The following CAMK2B variants were observed in gnomAD, a reference collection of about 807,000 sequenced individuals.
CAMK2B encodes the protein calcium/calmodulin dependent protein kinase II beta, also known as calcium/calmodulin-dependent protein kinase type II subunit beta.
In CAMK2B, 27 loss-of-function variants were observed where a neutral mutation model predicts 93.7. That is an observed-to-expected ratio of 0.29 (90% CI 0.21 to 0.40). CAMK2B has a LOEUF of 0.40. CAMK2B is among the 10% of genes least tolerant of loss of function. The pLI, the probability that CAMK2B is intolerant of heterozygous loss-of-function variation, is 1.00. For missense variants in CAMK2B, 568 were observed against 895.8 expected (o/e 0.63, Z 4.67); for synonymous variants, 374 against 358.8 (o/e 1.04, Z -0.48).
At chr7:44,288,306 G>A (rs1785696851) in intron 1 of CAMK2B, among the ~76,000 whole-genome samples, 1 of 152,258 alleles carries the variant, frequency 6.6e-6, no homozygotes, top group Non-Finnish European at 1.5e-5. Flanking sequence ...ATGGTCCTTG[G>A]GCTCAGCAAA....
At chr7:44,233,474 A>C (rs1462918198) in intron 15 of CAMK2B, among the ~76,000 whole-genome samples, 1 of 152,110 alleles carries the variant, frequency 6.6e-6, no homozygotes, top group Admixed American at 6.5e-5. Flanking sequence ...TGGCAAACCC[A>C]GTATTCCCGT....
intron 3 of CAMK2B, among the ~76,000 whole-genome samples, chr7:44,260,129 C>G (rs1039031152): frequency 6.6e-6 from 1 of 152,296 alleles, no homozygotes; most frequent in Middle Eastern, 3.4e-3. Flanking sequence ...GGGCCACAGA[C>G]GCTGAATGGG....
intron 4 of CAMK2B, among the ~76,000 whole-genome samples, chr7:44,255,107 C>G (rs1462554144): frequency 1.3e-5 from 2 of 152,032 alleles, no homozygotes; most frequent in Non-Finnish European, 2.9e-5. Context: ...GTGGCCCTCG[C>G]ACAGGATCAG....
rs745930853 is a variant in CAMK2B at position 44,263,028 on chromosome 7, C to T, written c.197G>A (p.Arg66His). ...ACCGATGTTGGAATGCTTCAGAAGGCGGCAGATCCGAGCCTCTCTCTCCAG... is the reference window on the plus strand; with the variant it reads ...ACCGATGTTGGAATGCTTCAGAAGGTGGCAGATCCGAGCCTCTCTCTCCAG... Reference protein sequence around the residue: ...QKLEREARICRLLKHSNIVRL... With the variant: ...QKLEREARICHLLKHSNIVRL... Residue 66 changes from arginine (R) to histidine (H), a missense_variant, in exon 3 of 24, where the codon CGC (arginine) becomes CAC (histidine). Transcript: ENST00000395749. 3 of 1,613,382 alleles carry T rather than the reference C, an allele frequency of 1.9e-6. No individual in the cohort carries two copies. Among genetic ancestry groups the T allele is most frequent in the Non-Finnish European group, 1.7e-6 (2 of 1,179,650 alleles).
At chr7:44,309,815 G>C (rs1793004050) in intron 1 of CAMK2B, among the ~76,000 whole-genome samples, 1 of 151,250 alleles carries the variant, frequency 6.6e-6, no homozygotes, top group Admixed American at 6.6e-5. Flanking sequence ...CGCCAGCACC[G>C]TAGGGGCCGC....
intron 1 of CAMK2B, among the ~76,000 whole-genome samples, chr7:44,314,268 C>G (rs184395218): frequency 6.6e-6 from 1 of 152,220 alleles, no homozygotes; most frequent in Non-Finnish European, 1.5e-5. Flanking sequence ...CAAACTTCTA[C>G]GCATTAGCAG....
chr7:44,312,748 G>A lies in CAMK2B; in HGVS notation c.65+12609C>T, dbSNP rs1204157361. 6.6e-6 allele frequency among the ~76,000 whole-genome samples: 1 copy of A among 152,174 alleles called. No homozygotes were observed. Among genetic ancestry groups the A allele is most frequent in the Non-Finnish European group, 1.5e-5 (1 of 68,022 alleles). ...GCTGTCCTGGGTTGGATGTCATGTG[G>A]ACAATTGGTCAAGATAAGAATTTGT... On this transcript the variant is annotated intron_variant, in intron 1 of 23. Coordinates refer to ENST00000395749, the MANE Select transcript of CAMK2B (RefSeq NM_001220.5). The surrounding 1 kb of genome is among the most constrained non-coding windows in gnomAD (Gnocchi z 4.1).
At chr7:44,256,182 G>T (rs1357240621) in intron 4 of CAMK2B, among the ~76,000 whole-genome samples, 1 of 152,148 alleles carries the variant, frequency 6.6e-6, no homozygotes, top group African/African-American at 2.4e-5. Context: ...CCACCACACC[G>T]ACCACAAGGA....
Position 44,241,688 on chromosome 7 carries a change from C to A in CAMK2B, c.903+12G>T. 4 of 1,608,046 alleles carry A rather than the reference C, an allele frequency of 2.5e-6. No individual in the cohort carries two copies. In the South Asian group the frequency reaches 4.4e-5, roughly 18 times the overall value. On this transcript the variant is annotated intron_variant, in intron 11 of 23. Coordinates refer to ENST00000395749, the MANE Select transcript of CAMK2B (RefSeq NM_001220.5). ...GCATGGCCGTGCCTGGGACTAGGGG[C>A]CAGGGCCTCACCTTGAGCTTTCTCC...
intron 6 of CAMK2B, among the ~76,000 whole-genome samples, chr7:44,243,745 G>T (rs1286130742): frequency 6.6e-6 from 1 of 152,164 alleles, no homozygotes; most frequent in Admixed American, 6.5e-5. Context: ...CTGCCCCTGG[G>T]GACAGAGACA....
rs994844744 is a variant in CAMK2B at position 44,312,712 on chromosome 7, C to A, written c.65+12645G>T. 1.3e-5 allele frequency among the ~76,000 whole-genome samples: 2 copies of A among 152,174 alleles called. No individual in the cohort carries two copies. The highest frequency in any genetic ancestry group is 2.9e-5 in the Non-Finnish European group (2 of 68,032). ...GGAGACAGAGAAAGAGTAACACCTC[C>A]CGCAAGACAGGCTGTCCTGGGTTGG... On this transcript the variant is annotated intron_variant, in intron 1 of 23. Coordinates refer to ENST00000395749, the MANE Select transcript of CAMK2B (RefSeq NM_001220.5). This position sits in a 1 kb window ranked among gnomAD's most constrained non-coding sequence, Gnocchi z 4.1.
rs1340744466 is a variant in CAMK2B, at chr7:44,228,922, G to T, written c.1342C>A (p.Pro448Thr). ...GAGTTCAGGATGTCAGAGATCCTGG[G>T]GGCTGGGGTGGAACAGATGAGACGT... ...APFSPLPAPS[P>T]RISDILNSVR... Residue 448 changes from proline (P) to threonine (T), a missense_variant and splice_region_variant, in exon 19 of 24, where the codon CCC becomes ACC. Transcript: ENST00000395749. 6.2e-7 allele frequency: 1 copy of T among 1,609,266 alleles called. No homozygotes were observed. Among genetic ancestry groups the T allele is most frequent in the East Asian group, 2.2e-5 (1 of 44,688 alleles).
intron 1 of CAMK2B, among the ~76,000 whole-genome samples, chr7:44,309,647 G>T (rs1445750910): frequency 1.3e-5 from 2 of 152,210 alleles, no homozygotes; most frequent in Non-Finnish European, 2.9e-5. Flanking sequence ...CTCTGCGCCC[G>T]CGGCGTCCCA....
intron 1 of CAMK2B, among the ~76,000 whole-genome samples, chr7:44,285,386 C>T (rs1461189504): frequency 6.6e-6 from 1 of 152,172 alleles, no homozygotes; most frequent in Non-Finnish European, 1.5e-5. Flanking sequence ...GGCACCCACC[C>T]GTGCAAACCC....
chr7:44,316,242 T>G (rs555857289), intron 1 of CAMK2B, among the ~76,000 whole-genome samples: 2 of 149,086 alleles, frequency 1.3e-5, no homozygotes, highest in South Asian at 2.1e-4. Flanking sequence ...ATGGTATTGG[T>G]TTTTTTTTAA....
In CAMK2B at chr7:44,232,803, G is replaced by A. The variant is rs773607559; in HGVS notation, c.1176+19C>T. The A allele has an allele frequency of 5.6e-6, 9 of 1,613,138 alleles. No individual in the cohort carries two copies. Among genetic ancestry groups the A allele is most frequent in the Middle Eastern group, 1.7e-4 (1 of 6,060 alleles). On this transcript the variant is annotated intron_variant, in intron 16 of 23. Transcript: ENST00000395749. ...GCCTCCTGCCTGGGGAAAGCGGGAG[G>A]AGGAAAGTGGGGCAGTACCTTAATC... is the stretch of plus-strand genomic sequence containing the variant.
intron 1 of CAMK2B, among the ~76,000 whole-genome samples, chr7:44,296,942 CAT>C (rs1262982489): frequency 2.0e-5 from 3 of 152,062 alleles, no homozygotes; most frequent in Non-Finnish European, 2.9e-5. Flanking sequence ...AGGAAAATGA[CAT>C]AGTTCAGAAA....
At chr7:44,221,098 C>G in intron 20 of CAMK2B, 197 bp from the exon 21 acceptor site, 1 of 585,128 alleles carries the variant, frequency 1.7e-6, no homozygotes, top group Admixed American at 3.1e-5. Context: ...CAACAGCTTC[C>G]ATCTTATTTT....
intron 20 of CAMK2B, among the ~76,000 whole-genome samples, chr7:44,222,531 G>T (rs1328949971): frequency 6.6e-6 from 1 of 151,996 alleles, no homozygotes; most frequent in Non-Finnish European, 1.5e-5. Flanking sequence ...TGACTCCCAG[G>T]TTCAAGCGAT....
Sources: gnomAD v4.1 joint callset for allele counts (sites outside exome capture counted in the v4.1 genomes callset) on GRCh38, gnomAD v4.1.1 for gene constraint, Gnocchi (gnomAD v3.1) non-coding constraint, MANE v1.5 for transcripts, NCBI Gene and HGNC (gene_info 2026-07-23, HGNC 2026-07-21) for gene names.